Variants in NOMO2 observed in about 807,000 individuals in gnomAD.
NOMO2 encodes the protein NODAL modulator 2.
A neutral mutation model predicts 67.1 loss-of-function variants in NOMO2; 14 were observed. The observed-to-expected ratio is 0.21, with a 90% CI of 0.14 to 0.33. The LOEUF (loss-of-function observed/expected upper bound fraction) is 0.33. NOMO2 is among the 10% of genes least tolerant of loss of function. The pLI, the probability that NOMO2 is intolerant of heterozygous loss-of-function variation, is 1.00. For missense variants in NOMO2, 178 were observed against 761.0 expected (o/e 0.23, Z 9.01); for synonymous variants, 80 against 305.9 (o/e 0.26, Z 7.71).
At chr16:18,555,846 C>T (rs1375746399) in intron 2 of NOMO2, among the ~76,000 whole-genome samples, 22 of 84,270 alleles carry the variant, frequency 2.6e-4, no homozygotes, top group Non-Finnish European at 4.9e-4. Flanking sequence ...TGAGCTCAGG[C>T]GATCCACCTG....
At chr16:18,556,684 G>A (rs1385244737) in intron 2 of NOMO2, among the ~76,000 whole-genome samples, 2 of 152,110 alleles carry the variant, frequency 1.3e-5, no homozygotes, top group Non-Finnish European at 2.9e-5. Flanking sequence ...GTTTATAGGT[G>A]GGAGGATGGG....
At position 18,531,457 on chromosome 16, in the gene NOMO2, A is replaced by G. The variant is rs1901296489; in HGVS notation, c.1537+9T>C. The G allele has an allele frequency of 1.9e-6, 3 of 1,613,046 alleles. No homozygotes were observed. The highest frequency in any genetic ancestry group is 1.1e-5 in the South Asian group (1 of 90,992). On this transcript the variant is annotated intron_variant, in intron 13 of 30. Coordinates refer to ENST00000622306, the MANE Select transcript of NOMO2 (RefSeq NM_173614.4). ...AACTATGTGTTCTTACTTTCCAGTG[A>G]TATCTTACCCAAACAAGAGACTTTC...
At chr16:18,545,636 G>A (rs1388368643) in intron 6 of NOMO2, among the ~76,000 whole-genome samples, 2 of 123,710 alleles carry the variant, frequency 1.6e-5, no homozygotes, top group African/African-American at 6.0e-5. Context: ...ATGTCAAGAT[G>A]TCCCTTAAGT....
At chr16:18,560,091 AC>A (rs1902004090) in intron 1 of NOMO2, among the ~76,000 whole-genome samples, 2 of 151,812 alleles carry the variant, frequency 1.3e-5, no homozygotes, top group South Asian at 4.2e-4. Flanking sequence ...GCATAGGAAC[AC>A]AAAAAACACA....
At chr16:18,559,832 C>T (rs1783067770) in intron 1 of NOMO2, among the ~76,000 whole-genome samples, 1 of 151,874 alleles carries the variant, frequency 6.6e-6, no homozygotes, top group Non-Finnish European at 1.5e-5. Context: ...TAATGTGAAA[C>T]CTGCTGATTG....
At chr16:18,534,405 G>A (rs1390621505) in intron 11 of NOMO2, among the ~76,000 whole-genome samples, 1 of 146,428 alleles carries the variant, frequency 6.8e-6, no homozygotes, top group Non-Finnish European at 1.5e-5. Context: ...TGCAAACTGT[G>A]GTGTCCAAAA....
At chr16:18,528,223 G>A (rs1901191786) in intron 15 of NOMO2, among the ~76,000 whole-genome samples, 1 of 149,704 alleles carries the variant, frequency 6.7e-6, no homozygotes, top group Non-Finnish European at 1.5e-5. Flanking sequence ...GCGAGTGAGG[G>A]GACAGTGGGA....
chr16:18,553,651 A>G (rs1901839670), intron 3 of NOMO2, among the ~76,000 whole-genome samples: 3 of 138,182 alleles, frequency 2.2e-5, no homozygotes, highest in African/African-American at 7.9e-5. Flanking sequence ...TTCTGAAAGT[A>G]TAATTCAATT....
At chr16:18,558,698 G>T (rs577389140) in intron 1 of NOMO2, 1 of 340,092 alleles carries the variant, frequency 2.9e-6, no homozygotes, top group South Asian at 2.1e-5. Context: ...TACCAGACAC[G>T]AAGTGTTAAC....
chr16:18,536,708 TG>T (rs1196710533), intron 11 of NOMO2, among the ~76,000 whole-genome samples: 2 of 152,198 alleles, frequency 1.3e-5, no homozygotes, highest in Non-Finnish European at 2.9e-5. Context: ...GCCCCATCTC[TG>T]GAACACTAGT....
rs771892948 is a variant in NOMO2 at position 18,557,692 on chromosome 16, C to T, written c.255+10G>A. The T allele has an allele frequency of 1.9e-6, 3 of 1,610,970 alleles. No individual in the cohort carries two copies. In the South Asian group the frequency reaches 3.3e-5, roughly 18 times the overall value. On this transcript the variant is annotated intron_variant, in intron 2 of 30. Coordinates refer to ENST00000622306, the MANE Select transcript of NOMO2 (RefSeq NM_173614.4). ...CTTCCCATCATAAGTGACAAGCAGT[C>T]CCCTCTTACCTTATCATACAAAGGG...
chr16:18,540,516 G>A (rs1192714670), intron 9 of NOMO2, among the ~76,000 whole-genome samples: 11 of 150,316 alleles, frequency 7.3e-5, no homozygotes, highest in African/African-American at 2.7e-4. Flanking sequence ...CTGCTCACCT[G>A]CCCCCATCCT....
intron 3 of NOMO2, among the ~76,000 whole-genome samples, chr16:18,553,314 T>A (rs1354245135): frequency 5.3e-5 from 8 of 151,198 alleles, no homozygotes; most frequent in Admixed American, 2.6e-4. Context: ...AAAATATAAA[T>A]AATTTTATAT....
intron 9 of NOMO2, among the ~76,000 whole-genome samples, chr16:18,539,671 C>T (rs1339266557): frequency 6.6e-6 from 1 of 151,750 alleles, no homozygotes; most frequent in East Asian, 1.9e-4. Context: ...GCAGGAGAAT[C>T]GCTTCAACTC....
chr16:18,557,687 G>A lies in NOMO2; in HGVS notation c.255+15C>T, dbSNP rs202017957. 3.1e-6 allele frequency: 5 copies of A among 1,611,452 alleles called. No homozygotes were observed. The South Asian group carries it at 3.3e-5, about 11-fold the overall frequency. On this transcript the variant is annotated intron_variant, in intron 2 of 30. Coordinates refer to ENST00000622306, the MANE Select transcript of NOMO2 (RefSeq NM_173614.4). ...AGTGACTTCCCATCATAAGTGACAA[G>A]CAGTCCCCTCTTACCTTATCATACA...
chr16:18,554,264 G>A (rs1444617817), intron 3 of NOMO2, among the ~76,000 whole-genome samples: 1 of 151,968 alleles, frequency 6.6e-6, no homozygotes, highest in African/African-American at 2.4e-5. Flanking sequence ...ACCCAGTGGG[G>A]CAGGGACTAT....
rs768920416 is a variant in NOMO2, at chr16:18,531,449, T to C, written c.1537+17A>G. The C allele has an allele frequency of 6.2e-7, 1 of 1,613,144 alleles. No homozygotes were observed. The highest frequency in any genetic ancestry group is 1.7e-5 in the Admixed American group (1 of 59,836). On this transcript the variant is annotated intron_variant, in intron 13 of 30. Transcript: ENST00000622306. ...TTCTTTGAAACTATGTGTTCTTACT[T>C]TCCAGTGATATCTTACCCAAACAAG...
chr16:18,520,414 A>ACCAT (rs766197133), intron 20 of NOMO2, among the ~76,000 whole-genome samples, 183 bp downstream of exon 20: 5,096 of 144,420 alleles, frequency 0.035, 94 homozygotes, highest in Non-Finnish European at 0.05. Context: ...ATCCAACCCA[A>ACCAT]CCATCCATCC....
intron 1 of NOMO2, 112 bp from the exon 2 acceptor site, chr16:18,557,903 T>A: frequency 6.3e-7 from 1 of 1,588,184 alleles, no homozygotes; most frequent in African/African-American, 1.3e-5. Flanking sequence ...ACCTACTATA[T>A]ACCAGCTTTT....
Sources: gnomAD v4.1 joint callset for allele counts (sites outside exome capture counted in the v4.1 genomes callset) on GRCh38, gnomAD v4.1.1 for gene constraint, MANE v1.5 for transcripts, NCBI Gene and HGNC (gene_info 2026-07-23, HGNC 2026-07-21) for gene names.